DTD1: variants seen among roughly 807,000 people sequenced by gnomAD.
DTD1 encodes the protein D-aminoacyl-tRNA deacylase 1.
Under a neutral mutation model 25.6 loss-of-function variants are expected in DTD1, and 13 were observed. The observed-to-expected ratio is 0.51, with a 90% CI of 0.33 to 0.81. DTD1 has a LOEUF of 0.81. DTD1 is among the 30% of genes least tolerant of loss of function. The pLI, the probability that DTD1 is intolerant of heterozygous loss-of-function variation, is 0.02. For missense variants in DTD1, 193 were observed against 266.4 expected, an observed-to-expected ratio of 0.72 and a Z score of 1.92; for synonymous variants, 110 against 103.6, an observed-to-expected ratio of 1.06 and a Z score of -0.37.
At chr20:18,745,620 G>A (rs555859253) in intron 5 of DTD1, among the ~76,000 whole-genome samples, 1 of 152,336 alleles carries the variant, frequency 6.6e-6, no homozygotes, top group South Asian at 2.1e-4. Context: ...TGAGCCAAGA[G>A]AAGAGCAGTG....
chr20:18,657,175 G>T (rs1447892312), intron 4 of DTD1, among the ~76,000 whole-genome samples: 2 of 152,210 alleles, frequency 1.3e-5, no homozygotes, highest in Non-Finnish European at 2.9e-5. Context: ...TCACCTATGT[G>T]TGGTCTTTCT....
chr20:18,697,058 C>T (rs924781876), intron 4 of DTD1, among the ~76,000 whole-genome samples: 7 of 151,752 alleles, frequency 4.6e-5, no homozygotes, highest in East Asian at 2.0e-4. Flanking sequence ...GGTGAAACCC[C>T]GCCTCTACTA....
chr20:18,650,604 GGTTA>G (rs2122353788), intron 4 of DTD1, among the ~76,000 whole-genome samples: 1 of 152,246 alleles, frequency 6.6e-6, no homozygotes, highest in South Asian at 2.1e-4. Context: ...TGTATCTATT[GGTTA>G]GTTACTTTTT....
intron 4 of DTD1, chr20:18,679,050 A>G (rs1270261211): frequency 7.2e-5 from 11 of 152,184 alleles, no homozygotes; most frequent in Admixed American, 5.9e-4. Context: ...TGACATTTCT[A>G]TAGTATTCAG....
intron 4 of DTD1, among the ~76,000 whole-genome samples, chr20:18,634,128 A>G (rs1486664456): frequency 6.6e-6 from 1 of 152,232 alleles, no homozygotes; most frequent in Non-Finnish European, 1.5e-5. Context: ...TACCTAGTGC[A>G]TGATTGCTGG....
At chr20:18,690,685 C>A (rs1738199766) in intron 4 of DTD1, among the ~76,000 whole-genome samples, 1 of 151,912 alleles carries the variant, frequency 6.6e-6, no homozygotes, top group African/African-American at 2.4e-5. Context: ...GTTCTGTATT[C>A]TGTTACATTA....
rs2061315735 is a variant in DTD1 at position 18,749,938 on chromosome 20, T to C, written c.*19+5667T>C. Among the ~76,000 whole-genome samples the C allele has an allele frequency of 1.3e-5, 2 of 152,252 alleles. No homozygotes were observed. The highest frequency in any genetic ancestry group is 2.9e-5 in the Non-Finnish European group (2 of 68,044). ...GATGTATATGGTACTGTCTGGGTTT[T>C]GGACAAAGCGCACAAGGAAAACCAT... On this transcript the variant is annotated intron_variant, in intron 5 of 5. Transcript: ENST00000377452. The surrounding 1 kb of genome is among the most constrained non-coding windows in gnomAD (Gnocchi z 4.2).
chr20:18,650,327 C>T (rs1019141120), intron 4 of DTD1, among the ~76,000 whole-genome samples: 26 of 152,302 alleles, frequency 1.7e-4, no homozygotes, highest in African/African-American at 2.9e-4. Flanking sequence ...CAGTTGAGTG[C>T]GAGGCCCTGT....
intron 4 of DTD1, among the ~76,000 whole-genome samples, chr20:18,688,395 G>A (rs1947990636): frequency 6.6e-6 from 1 of 152,172 alleles, no homozygotes; most frequent in African/African-American, 2.4e-5. Flanking sequence ...CAAAGTGTCA[G>A]AGGAGTGTGA....
intron 4 of DTD1, among the ~76,000 whole-genome samples, chr20:18,682,184 G>C (rs1251610370): frequency 1.3e-5 from 2 of 152,188 alleles, no homozygotes; most frequent in South Asian, 4.1e-4. Flanking sequence ...TTGTGAAGGT[G>C]TATAACCAGC....
At chr20:18,593,043 G>T (rs538675184) in intron 1 of DTD1, among the ~76,000 whole-genome samples, 4 of 151,812 alleles carry the variant, frequency 2.6e-5, no homozygotes, top group Non-Finnish European at 5.9e-5. Flanking sequence ...CATACATTTG[G>T]TTATAAATAC....
At position 18,724,309 on chromosome 20, in the gene DTD1, C is replaced by T. The variant is rs528002401; in HGVS notation, c.478-19791C>T. ...GGCAGGTAGGCACATGGGTACCTCC[C>T]ACTGTGGTGTGTGGGCAGTGACACC... On this transcript the variant is annotated intron_variant, in intron 4 of 5. Transcript: ENST00000377452. Among the ~76,000 whole-genome samples the T allele has an allele frequency of 3.3e-5, 5 of 152,266 alleles. No individual in the cohort carries two copies. The East Asian group carries it at 9.7e-4, about 29-fold the overall frequency.
chr20:18,712,731 G>A (rs541751757), intron 4 of DTD1, among the ~76,000 whole-genome samples: 18 of 152,262 alleles, frequency 1.2e-4, no homozygotes, highest in South Asian at 1.0e-3. Context: ...CAAGCTTACC[G>A]GATACTTCTC....
Position 18,588,164 on chromosome 20 carries a change from G to T in DTD1, c.43+49G>T, listed in dbSNP as rs2060573496. 3.2e-6 allele frequency: 4 copies of T among 1,231,566 alleles called. No homozygotes were observed. The South Asian group carries it at 1.4e-4, about 44-fold the overall frequency. 76.3% of individuals were successfully genotyped at this position (1,231,566 alleles called of 1,614,324 possible). On this transcript the variant is annotated intron_variant, in intron 1 of 5. Transcript: ENST00000377452. ...GGGAGGAGCCGCCCCTGACCCCCGC[G>T]ACCGGCTGTCTTGCGTGGGGGGTCT...
chr20:18,666,254 C>T (rs1422133750), intron 4 of DTD1, among the ~76,000 whole-genome samples: 1 of 152,190 alleles, frequency 6.6e-6, no homozygotes, highest in Non-Finnish European at 1.5e-5. Flanking sequence ...AAGTACTCTT[C>T]TCATATCGTG....
At chr20:18,695,307 T>A (rs2061066989) in intron 4 of DTD1, among the ~76,000 whole-genome samples, 1 of 151,400 alleles carries the variant, frequency 6.6e-6, no homozygotes, top group African/African-American at 2.4e-5. Flanking sequence ...CCTCTGGTTG[T>A]AAGAATTTCG....
intron 5 of DTD1, among the ~76,000 whole-genome samples, chr20:18,746,514 A>G (rs904999772): frequency 2.1e-5 from 3 of 145,864 alleles, no homozygotes; most frequent in African/African-American, 7.4e-5. Flanking sequence ...CCTGGGCAAC[A>G]TGGTGAGACC....
intron 4 of DTD1, among the ~76,000 whole-genome samples, chr20:18,726,125 G>C (rs1324015928): frequency 6.6e-6 from 1 of 152,200 alleles, no homozygotes; most frequent in East Asian, 1.9e-4. Flanking sequence ...ACATGTTTAG[G>C]GATGTGTCTG....
intron 4 of DTD1, among the ~76,000 whole-genome samples, chr20:18,658,345 A>C (rs2060898065): frequency 6.7e-6 from 1 of 148,708 alleles, no homozygotes. Flanking sequence ...TTTTTTTTTG[A>C]GACAGAGTCT....
Sources: allele counts gnomAD v4.1 joint callset (sites outside exome capture counted in the v4.1 genomes callset), GRCh38; gene constraint gnomAD v4.1.1; non-coding constraint Gnocchi (gnomAD v3.1); transcripts MANE v1.5; gene names NCBI Gene and HGNC (gene_info 2026-07-23, HGNC 2026-07-21).